RAD51B: variants seen among roughly 807,000 people sequenced by gnomAD.
RAD51B encodes RAD51 paralog B.
Under a neutral mutation model 42.2 loss-of-function variants are expected in RAD51B, and 38 were observed. That is an observed-to-expected ratio of 0.90 (90% CI 0.70 to 1.18). The LOEUF is 1.18. Among genes scored for constraint, RAD51B ranks in the 50% most tolerant of loss-of-function variants. The pLI, the probability that RAD51B is intolerant of heterozygous loss-of-function variation, is 0.00. For missense variants in RAD51B, 373 were observed against 400.7 expected, an observed-to-expected ratio of 0.93 and a Z score of 0.59; for synonymous variants, 154 against 145.2, an observed-to-expected ratio of 1.06 and a Z score of -0.43.
At chr14:68,628,757 T>C (rs72729562) in intron 10 of RAD51B, among the ~76,000 whole-genome samples, 15,584 of 152,016 alleles carry the variant, frequency 0.1, 1,087 homozygotes, top group Middle Eastern at 0.22. Context: ...GAAGTAAACA[T>C]TGGAAAGTGG....
At chr14:68,231,392 G>A (rs1167127068) in intron 7 of RAD51B, among the ~76,000 whole-genome samples, 1 of 151,668 alleles carries the variant, frequency 6.6e-6, no homozygotes, top group African/African-American at 2.4e-5. Context: ...TTGTTATCTG[G>A]TCATTTGATC....
At chr14:67,996,994 T>C (rs1346295427) in intron 7 of RAD51B, among the ~76,000 whole-genome samples, 1 of 152,144 alleles carries the variant, frequency 6.6e-6, no homozygotes, top group African/African-American at 2.4e-5. Context: ...TGTTTGTTTG[T>C]TTTTTCCTGT....
At chr14:67,897,354 G>A (rs2043455283) in intron 7 of RAD51B, among the ~76,000 whole-genome samples, 1 of 152,006 alleles carries the variant, frequency 6.6e-6, no homozygotes, top group South Asian at 2.1e-4. Flanking sequence ...TGATGATAAA[G>A]GGTTAATATC....
chr14:68,427,721 C>A (rs139846518), intron 9 of RAD51B, among the ~76,000 whole-genome samples: 2 of 152,250 alleles, frequency 1.3e-5, no homozygotes, highest in East Asian at 3.9e-4. Context: ...AGATGAGACT[C>A]TGGACTTTGG....
Position 68,291,899 on chromosome 14 carries a change from CAG to C in RAD51B, c.774_775del (p.Gln258HisfsTer20). On this transcript the variant is annotated frameshift_variant, in exon 8 of 11. Transcript: ENST00000471583. LOFTEE classifies it high-confidence loss of function. ...CTGTTCACAGGTTATCTTGACGAAT[CAG>C]ATTACAACCCATCTGAGTGGAGCCC... ...EFSIPVILTN[Q>X]ITTHLSGALA... 1 of 1,613,454 alleles carries C rather than the reference CAG, an allele frequency of 6.2e-7. No homozygotes were observed. The highest frequency in any genetic ancestry group is 8.5e-7 in the Non-Finnish European group (1 of 1,179,500).
intron 4 of RAD51B, among the ~76,000 whole-genome samples, chr14:67,842,812 T>A (rs1365440435): frequency 6.6e-6 from 1 of 152,218 alleles, no homozygotes; most frequent in African/African-American, 2.4e-5. Flanking sequence ...GGGTTTGTCA[T>A]AAATGGGTCT....
chr14:67,828,015 T>G (rs987008770), intron 3 of RAD51B, among the ~76,000 whole-genome samples: 1 of 152,192 alleles, frequency 6.6e-6, no homozygotes, highest in Non-Finnish European at 1.5e-5. Context: ...GGTAACGGCA[T>G]TGCTGGTTCA....
chr14:68,133,194 T>C (rs2077935087), intron 7 of RAD51B, among the ~76,000 whole-genome samples: 1 of 152,206 alleles, frequency 6.6e-6, no homozygotes, highest in South Asian at 2.1e-4. Context: ...TCTTTCCAAC[T>C]CAGAGATGAT....
chr14:68,648,758 T>C (rs999172328), intron 10 of RAD51B, among the ~76,000 whole-genome samples: 1 of 151,670 alleles, frequency 6.6e-6, no homozygotes, highest in South Asian at 2.1e-4. Flanking sequence ...TGGGGTAAGT[T>C]ATGTAGCCTC....
rs993318497 is a variant in RAD51B, at chr14:68,524,817, T to C, written c.1036+56567T>C. 2.6e-5 allele frequency among the ~76,000 whole-genome samples: 4 copies of C among 152,234 alleles called. No individual in the cohort carries two copies. The East Asian group carries it at 5.8e-4, about 22-fold the overall frequency. ...TTTATGTGATTTCCAGTGTTTTCTC[T>C]GAGGCAGGTCTCCAACGATTTCTCT... On this transcript the variant is annotated intron_variant, in intron 10 of 10. Transcript: ENST00000487270.
At chr14:68,597,214 A>T (rs1261199954), downstream of RAD51B, among the ~76,000 whole-genome samples, 2 of 152,206 alleles carry the variant, frequency 1.3e-5, no homozygotes, top group Non-Finnish European at 2.9e-5. Flanking sequence ...GCAGAGAAAT[A>T]AACTGAGGCT....
At chr14:68,546,927 T>C (rs768338304) in intron 10 of RAD51B, among the ~76,000 whole-genome samples, 6 of 152,244 alleles carry the variant, frequency 3.9e-5, no homozygotes, top group Non-Finnish European at 8.8e-5. Flanking sequence ...GAAACACCTC[T>C]GTGCAGTTTA....
downstream of RAD51B, among the ~76,000 whole-genome samples, chr14:68,600,601 C>T (rs926558138): frequency 2.0e-5 from 3 of 152,148 alleles, no homozygotes; most frequent in African/African-American, 7.2e-5. Context: ...CTTTGTGGAT[C>T]ACCTCTGCCA....
At chr14:68,654,549 G>A (rs1025909835) in intron 11 of RAD51B, among the ~76,000 whole-genome samples, 2 of 152,216 alleles carry the variant, frequency 1.3e-5, no homozygotes, top group African/African-American at 4.8e-5. Context: ...GTGATGGGAA[G>A]AGAACTCCCC....
At chr14:68,283,134 T>C (rs560910136) in intron 7 of RAD51B, among the ~76,000 whole-genome samples, 2 of 152,320 alleles carry the variant, frequency 1.3e-5, no homozygotes, top group Admixed American at 1.3e-4. Flanking sequence ...AAGCTGTGTC[T>C]TTCTAATCCT....
chr14:68,176,463 GA>G (rs2078964174), intron 7 of RAD51B, among the ~76,000 whole-genome samples: 1 of 152,120 alleles, frequency 6.6e-6, no homozygotes, highest in South Asian at 2.1e-4. Flanking sequence ...TAGTGGATCA[GA>G]AAATTTAGAG....
chr14:68,422,347 G>C (rs2084725139), intron 9 of RAD51B, among the ~76,000 whole-genome samples: 1 of 152,154 alleles, frequency 6.6e-6, no homozygotes, highest in East Asian at 1.9e-4. Flanking sequence ...TGGATCACGA[G>C]GTCAGGAGTT....
intron 7 of RAD51B, among the ~76,000 whole-genome samples, chr14:68,070,165 A>G (rs187416001): frequency 2.6e-5 from 4 of 152,078 alleles, no homozygotes; most frequent in African/African-American, 9.6e-5. Flanking sequence ...AGTTTCTTAT[A>G]TATTCTGGAT....
At chr14:68,159,394 G>C (rs2078587798) in intron 7 of RAD51B, among the ~76,000 whole-genome samples, 1 of 152,078 alleles carries the variant, frequency 6.6e-6, no homozygotes, top group Non-Finnish European at 1.5e-5. Context: ...GGCTGCGGTG[G>C]GCGGATCATG....
Sources: gnomAD v4.1 joint callset for allele counts (sites outside exome capture counted in the v4.1 genomes callset) on GRCh38, gnomAD v4.1.1 for gene constraint, MANE v1.5 for transcripts, NCBI Gene and HGNC (gene_info 2026-07-23, HGNC 2026-07-21) for gene names.